PRKCA: variants seen among roughly 807,000 people sequenced by gnomAD.
The protein encoded by PRKCA is protein kinase C alpha type.
A neutral mutation model predicts 87.0 loss-of-function variants in PRKCA; 27 were observed. The observed-to-expected ratio is 0.31, with a 90% confidence interval of 0.23 to 0.43. The LOEUF is 0.43. Ranked by LOEUF, PRKCA falls within the 20% of genes least tolerant of loss-of-function variation. PRKCA has a pLI of 1.00. For missense variants in PRKCA, 518 were observed against 852.3 expected (o/e 0.61, Z 4.88); for synonymous variants, 329 against 311.1 (o/e 1.06, Z -0.61).
intron 5 of PRKCA, 107 bp downstream of exon 5, chr17:66,645,618 G>A: frequency 6.7e-7 from 1 of 1,491,238 alleles, no homozygotes; most frequent in Non-Finnish European, 9.1e-7. Context: ...GAGGCCTCTG[G>A]AGAGGCAGTC....
rs1364029890 is a variant in PRKCA at position 66,578,689 on chromosome 17, C to A, written c.289-62666C>A. 2.0e-5 allele frequency among the ~76,000 whole-genome samples: 3 copies of A among 152,290 alleles called. No homozygotes were observed. In the South Asian group the frequency reaches 6.2e-4, roughly 32 times the overall value. ...TGGATGCCCATGTTTGTCTTCCACA[C>A]CCTTTAGTGTAGAAGACATCAGGGC... On this transcript the variant is annotated intron_variant, in intron 3 of 16. Transcript: ENST00000413366.
rs114582460 is a variant in PRKCA at position 66,707,278 on chromosome 17, T to A, written c.918+18231T>A. Among the ~76,000 whole-genome samples, 933 of 152,332 alleles carry A rather than the reference T, an allele frequency of 6.1e-3. 4 individuals carry two copies. Among genetic ancestry groups the A allele is most frequent in the African/African-American group, 0.021 (859 of 41,574 alleles). ...TTGACTTATGCAGTCTAAAGACTAC[T>A]CACTTGCCAGACACACCTGTAAGAT... On this transcript the variant is annotated intron_variant, in intron 8 of 16. Transcript: ENST00000413366.
At chr17:66,489,241 T>C (rs914563207) in intron 2 of PRKCA, among the ~76,000 whole-genome samples, 4 of 151,696 alleles carry the variant, frequency 2.6e-5, no homozygotes, top group Non-Finnish European at 5.9e-5. Flanking sequence ...TTTCTATGCC[T>C]GTGTTCCGTT....
intron 2 of PRKCA, among the ~76,000 whole-genome samples, chr17:66,325,478 G>A (rs1459853502): frequency 6.6e-6 from 1 of 152,088 alleles, no homozygotes; most frequent in Admixed American, 6.6e-5. Context: ...ATCTGGACAG[G>A]AAATAACAAA....
At chr17:66,454,883 C>T (rs1172044344) in intron 2 of PRKCA, among the ~76,000 whole-genome samples, 3 of 152,242 alleles carry the variant, frequency 2.0e-5, no homozygotes, top group Admixed American at 6.5e-5. Flanking sequence ...CTGGAGATTC[C>T]TTCCTTTCTC....
In PRKCA at chr17:66,689,722, G is replaced by A. The variant is rs1249844074; in HGVS notation, c.918+675G>A. 6.6e-6 allele frequency among the ~76,000 whole-genome samples: 1 copy of A among 151,916 alleles called. No homozygotes were observed. Among genetic ancestry groups the A allele is most frequent in the Non-Finnish European group, 1.5e-5 (1 of 68,002 alleles). On this transcript the variant is annotated intron_variant, in intron 8 of 16. Coordinates refer to ENST00000413366, the MANE Select transcript of PRKCA (RefSeq NM_002737.3). This position sits in a 1 kb window ranked among gnomAD's most constrained non-coding sequence, Gnocchi z 4.1. ...TCATTTACCGACATCTCAGCTTTTA[G>A]TAAACGGTTCTTTTCTGTAAGCACC...
chr17:66,439,225 G>C (rs1329221468), intron 2 of PRKCA, among the ~76,000 whole-genome samples: 3 of 151,476 alleles, frequency 2.0e-5, no homozygotes, highest in Non-Finnish European at 4.4e-5. Context: ...TTGTTGTCCA[G>C]GCTGGAGTGC....
intron 3 of PRKCA, among the ~76,000 whole-genome samples, chr17:66,506,179 C>G (rs1025513301): frequency 6.6e-6 from 1 of 151,894 alleles, no homozygotes; most frequent in African/African-American, 2.4e-5. Context: ...GCCTGTTCTC[C>G]CGGTTACTTG....
rs1344171186 is a variant in PRKCA, at chr17:66,802,385, C to T, written c.1855-1488C>T. On this transcript the variant is annotated intron_variant, in intron 16 of 16. Transcript: ENST00000413366. ...TAATGAAAGTAGCTTCGTCGCTGGG[C>T]GTGGTGGCTCATGCCTGTAATCCCA... 3.3e-5 allele frequency among the ~76,000 whole-genome samples: 5 copies of T among 151,926 alleles called. No homozygotes were observed. In the South Asian group the frequency reaches 8.3e-4, roughly 25 times the overall value.
At chr17:66,580,725 C>T (rs1413003837) in intron 3 of PRKCA, among the ~76,000 whole-genome samples, 5 of 152,114 alleles carry the variant, frequency 3.3e-5, no homozygotes, top group South Asian at 2.1e-4. Flanking sequence ...TCAAAACATG[C>T]CCGGATTTGC....
chr17:66,739,797 T>TGGGTGAAGAGCC (rs577278417), intron 11 of PRKCA, among the ~76,000 whole-genome samples: 6 of 151,754 alleles, frequency 4.0e-5, no homozygotes, highest in Non-Finnish European at 8.8e-5. Context: ...GGTGGGGCTC[T>TGGGTGAAGAGCC]GGGTGAAGAG....
intron 2 of PRKCA, among the ~76,000 whole-genome samples, chr17:66,495,563 T>TTTTA (rs1443834808): frequency 2.6e-5 from 4 of 151,710 alleles, no homozygotes; most frequent in African/African-American, 7.3e-5. Flanking sequence ...TTTTATTTTA[T>TTTTA]TTTTTGAGAC....
At chr17:66,580,328 A>G (rs994490417) in intron 3 of PRKCA, among the ~76,000 whole-genome samples, 1 of 152,188 alleles carries the variant, frequency 6.6e-6, no homozygotes, top group African/African-American at 2.4e-5. Context: ...CAATCTGTGC[A>G]CGACCTGCTG....
At chr17:66,780,441 C>T (rs1030555933) in intron 14 of PRKCA, among the ~76,000 whole-genome samples, 1 of 152,170 alleles carries the variant, frequency 6.6e-6, no homozygotes, top group African/African-American at 2.4e-5. Flanking sequence ...CTTTGGGAGG[C>T]CCAGGTGGGT....
intron 2 of PRKCA, among the ~76,000 whole-genome samples, chr17:66,367,244 A>C (rs1352827313): frequency 6.6e-6 from 1 of 152,244 alleles, no homozygotes; most frequent in African/African-American, 2.4e-5. Flanking sequence ...AGGAATTACA[A>C]AGAAACCCAC....
intron 3 of PRKCA, among the ~76,000 whole-genome samples, chr17:66,514,669 C>T (rs1048233853): frequency 1.3e-5 from 2 of 151,936 alleles, no homozygotes; most frequent in African/African-American, 2.4e-5. Context: ...CTTTGTTACC[C>T]GGTAGGTGTG....
At chr17:66,667,499 T>C (rs1972072458) in intron 5 of PRKCA, among the ~76,000 whole-genome samples, 1 of 152,108 alleles carries the variant, frequency 6.6e-6, no homozygotes, top group Admixed American at 6.5e-5. Flanking sequence ...TCAGATCTTG[T>C]GAGAACTCAC....
At chr17:66,373,985 G>A (rs188187325) in intron 2 of PRKCA, among the ~76,000 whole-genome samples, 32 of 152,308 alleles carry the variant, frequency 2.1e-4, no homozygotes, top group African/African-American at 6.3e-4. Context: ...GGGCCCTGCT[G>A]CTGCAGTGGG....
chr17:66,779,190 T>C (rs778515178), intron 14 of PRKCA, among the ~76,000 whole-genome samples: 12 of 152,228 alleles, frequency 7.9e-5, no homozygotes, highest in Admixed American at 2.6e-4. Flanking sequence ...TGGTCTAAGT[T>C]TGTCCTCTTT....
Sources: allele counts gnomAD v4.1 joint callset (sites outside exome capture counted in the v4.1 genomes callset), GRCh38; gene constraint gnomAD v4.1.1; non-coding constraint Gnocchi (gnomAD v3.1); transcripts MANE v1.5; gene names NCBI Gene and HGNC (gene_info 2026-07-23, HGNC 2026-07-21).